Variants in GRHL2 observed in about 807,000 individuals in gnomAD.
The protein encoded by GRHL2 is grainyhead like transcription factor 2, also known as grainyhead-like protein 2 homolog.
A neutral mutation model predicts 83.8 loss-of-function variants in GRHL2; 21 were observed. That is an observed-to-expected ratio of 0.25 (90% CI 0.18 to 0.36). The LOEUF (loss-of-function observed/expected upper bound fraction) is 0.36, where lower values mean the gene tolerates loss of function less well. Ranked by LOEUF, GRHL2 falls within the 10% of genes least tolerant of loss-of-function variation. The probability of loss-of-function intolerance (pLI) is 1.00; values close to 1 mark genes in which losing one functional copy is unlikely to be tolerated. For synonymous variants in GRHL2, 280 were observed against 278.9 expected, an observed-to-expected ratio of 1.00 and a Z score of -0.04; for missense variants, 623 against 781.8, an observed-to-expected ratio of 0.80 and a Z score of 2.42.
intron 1 of GRHL2, among the ~76,000 whole-genome samples, chr8:101,509,012 G>A (rs1018191547): frequency 1.3e-5 from 2 of 151,802 alleles, no homozygotes; most frequent in Non-Finnish European, 2.9e-5. Context: ...CTTTTATTTC[G>A]ATTTCAAAGG....
intron 12 of GRHL2, among the ~76,000 whole-genome samples, chr8:101,642,499 GT>G (rs1336890674): frequency 3.3e-5 from 5 of 152,158 alleles, no homozygotes; most frequent in Admixed American, 6.5e-5. Context: ...CTGTGAATGG[GT>G]TTTTTAATCT....
At position 101,586,065 on chromosome 8, in the gene GRHL2, C is replaced by CTTTTTTTTTT. The variant is rs67985027; in HGVS notation, c.1003+8562_1003+8571dup. ...TCTTCTTTCCTTCCACCTCATGTTT[C>CTTTTTTTTTT]TTTTTTTTTTTTTTTTTTTTTTTTT... On this transcript the variant is annotated intron_variant, in intron 7 of 15. Coordinates refer to ENST00000646743, the MANE Select transcript of GRHL2 (RefSeq NM_024915.4). 9.9e-4 allele frequency among the ~76,000 whole-genome samples: 93 copies of CTTTTTTTTTT among 94,322 alleles called. 8 individuals are homozygous for CTTTTTTTTTT. The highest frequency in any genetic ancestry group is 3.3e-3 in the South Asian group (9 of 2,696). The allele number at this position is 94,322 out of a possible 152,430, so 61.9% of individuals were successfully genotyped here.
At chr8:101,545,974 C>T (rs182701474) in intron 2 of GRHL2, among the ~76,000 whole-genome samples, 12 of 149,918 alleles carry the variant, frequency 8.0e-5, no homozygotes, top group South Asian at 6.4e-4. Flanking sequence ...CTCCACCTCC[C>T]GGGTTCAAGT....
At chr8:101,664,666 T>C in intron 15 of GRHL2, 148 bp downstream of exon 15, 1 of 667,518 alleles carries the variant, frequency 1.5e-6, no homozygotes, top group South Asian at 1.6e-5. Context: ...GCAGAGGAGA[T>C]TGCATTTGGA....
At chr8:101,599,636 T>A (rs912006449) in intron 8 of GRHL2, among the ~76,000 whole-genome samples, 3 of 152,246 alleles carry the variant, frequency 2.0e-5, no homozygotes, top group Non-Finnish European at 2.9e-5. Context: ...TGGTCACCAC[T>A]GTGACCTTCA....
intron 1 of GRHL2, among the ~76,000 whole-genome samples, chr8:101,509,105 C>CTT (rs879271391): frequency 0.03 from 3,878 of 131,398 alleles, 91 homozygotes; most frequent in Middle Eastern, 0.052. Context: ...TTCTTTCTTT[C>CTT]TCTCCTTCCT....
Position 101,558,595 on chromosome 8 carries a change from G to T in GRHL2, c.461G>T (p.Gly154Val), listed in dbSNP as rs772099208. 1 of 1,614,130 alleles carries T rather than the reference G, an allele frequency of 6.2e-7. No individual in the cohort carries two copies. The highest frequency in any genetic ancestry group is 8.5e-7 in the Non-Finnish European group (1 of 1,180,008). Residue 154 changes from glycine to valine, a missense_variant, in exon 4 of 16, where the codon GGA (glycine) becomes GTA (valine). Physicochemically the swap from Gly to Val is moderately radical, Grantham distance 109. Transcript: ENST00000646743. ...PESSAIIPVS[G>V]ITVVKAEDFT... ...AGCTCTGCCATCATCCCGGTGTCGGGAATCACGGTGGTGAAAGCTGAAGAT... is the reference window on the plus strand; with the variant it reads ...AGCTCTGCCATCATCCCGGTGTCGGTAATCACGGTGGTGAAAGCTGAAGAT...
At chr8:101,507,879 GC>G (rs1236018549) in intron 1 of GRHL2, among the ~76,000 whole-genome samples, 3 of 137,276 alleles carry the variant, frequency 2.2e-5, no homozygotes, top group Non-Finnish European at 4.5e-5. Flanking sequence ...CCGGGTTCAA[GC>G]AATTTTCGTG....
intron 7 of GRHL2, among the ~76,000 whole-genome samples, chr8:101,587,310 G>T (rs544616635): frequency 1.3e-5 from 2 of 152,180 alleles, no homozygotes; most frequent in Admixed American, 1.3e-4. Flanking sequence ...AAAAGCAGAC[G>T]ATGGATGCTT....
In GRHL2 at chr8:101,644,063, C is replaced by G. The variant is rs976878429; in HGVS notation, c.1518-68C>G. The G allele has an allele frequency of 3.0e-6, 4 of 1,333,608 alleles. No individual in the cohort carries two copies. The East Asian group carries it at 9.3e-5, about 31-fold the overall frequency. 82.6% of individuals were successfully genotyped at this position (1,333,608 alleles called of 1,614,324 possible). ...AAGCAAAGGGAAAGACAGAAACGGA[C>G]ACACATGTGAACGTGTGTTTTGACA... On this transcript the variant is annotated intron_variant, in intron 12 of 15. Transcript: ENST00000646743.
intron 1 of GRHL2, among the ~76,000 whole-genome samples, chr8:101,532,313 C>T (rs1473668871): frequency 6.6e-6 from 1 of 152,168 alleles, no homozygotes; most frequent in African/African-American, 2.4e-5. Context: ...TGAACCTTTG[C>T]TCTTTCATTT....
chr8:101,607,258 A>G (rs1428092942), intron 8 of GRHL2, among the ~76,000 whole-genome samples: 1 of 152,220 alleles, frequency 6.6e-6, no homozygotes, highest in African/African-American at 2.4e-5. Flanking sequence ...TCCTAAATGG[A>G]TGGCGTTCTT....
intron 1 of GRHL2, among the ~76,000 whole-genome samples, chr8:101,540,081 C>T (rs1811121743): frequency 6.6e-6 from 1 of 152,144 alleles, no homozygotes; most frequent in Admixed American, 6.5e-5. Flanking sequence ...TAATGATTAT[C>T]TTTAAGACTT....
chr8:101,590,573 G>C (rs80354444), intron 7 of GRHL2, among the ~76,000 whole-genome samples: 2,955 of 152,190 alleles, frequency 0.019, 109 homozygotes, highest in African/African-American at 0.067. Context: ...TGTAGATTAG[G>C]AAATTTCAAG....
At chr8:101,603,437 A>G (rs1457363742) in intron 8 of GRHL2, among the ~76,000 whole-genome samples, 1 of 152,192 alleles carries the variant, frequency 6.6e-6, no homozygotes, top group Non-Finnish European at 1.5e-5. Context: ...CAAAGCATAC[A>G]TTTTCTTTCA....
At chr8:101,635,412 C>T (rs1179186902) in intron 11 of GRHL2, among the ~76,000 whole-genome samples, 1 of 152,130 alleles carries the variant, frequency 6.6e-6, no homozygotes, top group Non-Finnish European at 1.5e-5. Context: ...AGAGGCCATT[C>T]AGGAGGGTGG....
At chr8:101,496,713 T>C (rs995718357) in intron 1 of GRHL2, among the ~76,000 whole-genome samples, 2 of 152,166 alleles carry the variant, frequency 1.3e-5, no homozygotes, top group Non-Finnish European at 2.9e-5. Flanking sequence ...GTCTTTTGTA[T>C]AGGGTGATCA....
chr8:101,522,665 T>C (rs1015449688), intron 1 of GRHL2, among the ~76,000 whole-genome samples: 36 of 151,516 alleles, frequency 2.4e-4, no homozygotes, highest in Admixed American at 2.4e-3. Flanking sequence ...GGTCTATTCA[T>C]AAACACAAAA....
intron 7 of GRHL2, among the ~76,000 whole-genome samples, chr8:101,584,305 C>G (rs1812119730): frequency 6.6e-6 from 1 of 152,102 alleles, no homozygotes; most frequent in Non-Finnish European, 1.5e-5. Context: ...TCTTAAGAGT[C>G]AATGTTTAAA....
Sources: gnomAD v4.1 joint callset for allele counts (sites outside exome capture counted in the v4.1 genomes callset) on GRCh38, gnomAD v4.1.1 for gene constraint, MANE v1.5 for transcripts, NCBI Gene and HGNC (gene_info 2026-07-23, HGNC 2026-07-21) for gene names.